The following GPR149 variants were observed in gnomAD, a reference collection of about 807,000 sequenced individuals.
GPR149 encodes the protein probable G protein-coupled receptor 149.
In GPR149, 50 loss-of-function variants were observed where a neutral mutation model predicts 50.2. The ratio of observed to expected loss-of-function variants is 1.00; its 90% CI spans 0.79 to 1.26. The LOEUF (loss-of-function observed/expected upper bound fraction) is 1.26. Among genes scored for constraint, GPR149 ranks in the 50% most tolerant of loss-of-function variants. The pLI is 0.00. For synonymous variants in GPR149, 405 were observed against 358.2 expected (o/e 1.13, Z -1.48); for missense variants, 983 against 895.4 (o/e 1.10, Z -1.25).
At position 154,429,623 on chromosome 3, in the gene GPR149, G is replaced by C. The variant is rs758226923; in HGVS notation, c.-8C>G. 3 of 1,600,950 alleles carry C rather than the reference G, an allele frequency of 1.9e-6. No individual in the cohort carries two copies. The highest frequency in any genetic ancestry group is 2.6e-6 in the Non-Finnish European group (3 of 1,172,152). ...ACTGAGAAATAAAGACATTGTCCTT[G>C]GTCAATATTTAATTTCCCTTATCAA... On this transcript the variant is annotated 5_prime_UTR_variant, in exon 1 of 4. Transcript: ENST00000389740.
intron 2 of GPR149, among the ~76,000 whole-genome samples, chr3:154,423,630 T>C (rs1175746621): frequency 6.6e-6 from 1 of 151,796 alleles, no homozygotes; most frequent in Non-Finnish European, 1.5e-5. Context: ...CAATGTAAGA[T>C]GAGAGGCTGG....
chr3:154,350,348 A>T (rs1005711840), intron 3 of GPR149, among the ~76,000 whole-genome samples: 12 of 152,242 alleles, frequency 7.9e-5, no homozygotes, highest in African/African-American at 2.9e-4. Flanking sequence ...GAGCTAAGCA[A>T]GGTCACAGGA....
intron 3 of GPR149, among the ~76,000 whole-genome samples, chr3:154,338,773 A>C (rs1713716437): frequency 6.6e-6 from 1 of 152,190 alleles, no homozygotes; most frequent in Non-Finnish European, 1.5e-5. Flanking sequence ...AAGATACTTC[A>C]ACTGTTAGAG....
intron 2 of GPR149, among the ~76,000 whole-genome samples, chr3:154,422,317 A>G (rs566187404): frequency 1.3e-5 from 2 of 151,810 alleles, no homozygotes; most frequent in South Asian, 4.2e-4. Context: ...AGAAAGTGAT[A>G]CAATTTTTAT....
chr3:154,380,245 G>A (rs1714889606), intron 3 of GPR149, among the ~76,000 whole-genome samples: 1 of 151,528 alleles, frequency 6.6e-6, no homozygotes, highest in Admixed American at 6.6e-5. Flanking sequence ...AGTATCAATG[G>A]TGTGCAGTGG....
intron 3 of GPR149, among the ~76,000 whole-genome samples, chr3:154,344,952 A>G (rs906032842): frequency 3.3e-5 from 5 of 152,220 alleles, no homozygotes; most frequent in Non-Finnish European, 5.9e-5. Flanking sequence ...ATTTCGAAAA[A>G]AACTTATTTT....
At chr3:154,414,546 C>T (rs1397246592) in intron 3 of GPR149, among the ~76,000 whole-genome samples, 2 of 151,808 alleles carry the variant, frequency 1.3e-5, no homozygotes, top group Non-Finnish European at 2.9e-5. Context: ...AATGTCTCTC[C>T]ACAAGACACT....
At chr3:154,348,199 G>C (rs1713980746) in intron 3 of GPR149, among the ~76,000 whole-genome samples, 1 of 152,146 alleles carries the variant, frequency 6.6e-6, no homozygotes, top group Non-Finnish European at 1.5e-5. Context: ...TTGAGACTAG[G>C]AAGAGGTAGA....
intron 3 of GPR149, among the ~76,000 whole-genome samples, chr3:154,376,070 T>G (rs1277997153): frequency 6.6e-6 from 1 of 152,246 alleles, no homozygotes; most frequent in African/African-American, 2.4e-5. Flanking sequence ...GTGGGACTTC[T>G]CAGCCTCCAT....
intron 3 of GPR149, among the ~76,000 whole-genome samples, chr3:154,409,504 T>G (rs1386099961): frequency 6.6e-6 from 1 of 151,996 alleles, no homozygotes; most frequent in Non-Finnish European, 1.5e-5. Flanking sequence ...AAAGGAAAAT[T>G]CTTCAGTGAA....
intron 3 of GPR149, among the ~76,000 whole-genome samples, chr3:154,339,776 CTTCTTT>C (rs1222011359): frequency 4.8e-5 from 6 of 125,316 alleles, no homozygotes; most frequent in Non-Finnish European, 9.8e-5. Context: ...TCATGCTCTA[CTTCTTT>C]TTTTTTTTTT....
intron 3 of GPR149, chr3:154,352,095 C>CA (rs1161689746): frequency 4.8e-6 from 3 of 622,230 alleles, no homozygotes; most frequent in Non-Finnish European, 7.6e-6. Flanking sequence ...TAATTAGGCA[C>CA]AAATAGGCAA....
chr3:154,428,387 C>A (rs1356871415), intron 1 of GPR149, among the ~76,000 whole-genome samples: 1 of 152,190 alleles, frequency 6.6e-6, no homozygotes, highest in Non-Finnish European at 1.5e-5. Context: ...TCGCTCGCGA[C>A]GGAAAGCGAT....
rs796947501 is a variant in GPR149 at position 154,426,340 on chromosome 3, G to A, written c.1174+1176C>T. On this transcript the variant is annotated intron_variant, in intron 2 of 3. Coordinates refer to ENST00000389740, the MANE Select transcript of GPR149 (RefSeq NM_001038705.3). ...CCATCACTATGACATAGGAAAAATG[G>A]CCAGTTCATGGCTAATTATATAAAA... Among the ~76,000 whole-genome samples, 10 of 152,212 alleles carry A rather than the reference G, an allele frequency of 6.6e-5. No individual in the cohort carries two copies. In the East Asian group the frequency reaches 1.5e-3, roughly 24 times the overall value.
chr3:154,341,251 T>A (rs903068725), intron 3 of GPR149, among the ~76,000 whole-genome samples: 3 of 140,196 alleles, frequency 2.1e-5, no homozygotes, highest in African/African-American at 7.9e-5. Context: ...AACATTGTTC[T>A]GGAGGTCCTA....
intron 3 of GPR149, among the ~76,000 whole-genome samples, chr3:154,416,050 A>G (rs1215237480): frequency 1.3e-5 from 2 of 151,892 alleles, no homozygotes; most frequent in African/African-American, 2.4e-5. Flanking sequence ...TTTTAAGCTA[A>G]TAATATAACA....
intron 3 of GPR149, among the ~76,000 whole-genome samples, chr3:154,364,026 A>T (rs1296912626): frequency 6.6e-6 from 1 of 152,182 alleles, no homozygotes; most frequent in East Asian, 1.9e-4. Context: ...GGAATAAAAG[A>T]GCTGTAACTC....
intron 3 of GPR149, among the ~76,000 whole-genome samples, chr3:154,391,375 C>T (rs1715165272): frequency 6.6e-6 from 1 of 151,368 alleles, no homozygotes; most frequent in African/African-American, 2.4e-5. Context: ...TTGTTTAAAG[C>T]TTAGAATAAA....
chr3:154,427,441 C>A lies in GPR149; in HGVS notation c.1174+75G>T. On this transcript the variant is annotated intron_variant, in intron 2 of 3. Coordinates refer to ENST00000389740, the MANE Select transcript of GPR149 (RefSeq NM_001038705.3). Reference sequence around the variant, plus strand: ...GACTCTCCATCCCCTACTGAGGCAACTTTGTTAATAGACCACTTTTCTGAA... The same window carrying A: ...GACTCTCCATCCCCTACTGAGGCAAATTTGTTAATAGACCACTTTTCTGAA... The A allele has an allele frequency of 2.2e-6, 3 of 1,383,158 alleles. No homozygotes were observed. In the South Asian group the frequency reaches 4.1e-5, roughly 19 times the overall value. 85.7% of individuals were successfully genotyped at this position (1,383,158 alleles called of 1,614,324 possible).
Sources: gnomAD v4.1 joint callset for allele counts (sites outside exome capture counted in the v4.1 genomes callset) on GRCh38, gnomAD v4.1.1 for gene constraint, MANE v1.5 for transcripts, NCBI Gene and HGNC (gene_info 2026-07-23, HGNC 2026-07-21) for gene names.